The following RARG variants were observed in gnomAD, a reference collection of about 807,000 sequenced individuals.
RARG encodes the protein retinoic acid receptor gamma, also known as RAR-gamma.
In RARG, 17 loss-of-function variants were observed where a neutral mutation model predicts 43.7. That is an observed-to-expected ratio of 0.39 (90% CI 0.27 to 0.58). RARG has a LOEUF of 0.58. Among genes scored for constraint, RARG ranks in the 20% least tolerant of loss-of-function variants. The pLI is 0.57. For missense variants in RARG, 346 were observed against 598.7 expected (o/e 0.58, Z 4.40); for synonymous variants, 238 against 236.4 (o/e 1.01, Z -0.06).
Position 53,211,820 on chromosome 12 carries a change from C to G in RARG, c.1221G>C (p.Pro407=), listed in dbSNP as rs774041125. ...AITLKMEIPG[P]MPPLIREMLE... is the part of the protein sequence containing the mutation. ...GCATCTCTCGGATTAAGGGAGGCAT[C>G]GGGCCTGGAATCTCCATCTTCAGAG... The change falls in exon 10 of 10, where the codon CCG becomes CCC. Residue 407 remains proline, a synonymous_variant. Transcript: ENST00000425354. This position sits in a 1 kb window ranked among gnomAD's most constrained non-coding sequence, Gnocchi z 4.6. 1 of 1,535,264 alleles carries G rather than the reference C, an allele frequency of 6.5e-7. No homozygotes were observed. The highest frequency in any genetic ancestry group is 8.8e-7 in the Non-Finnish European group (1 of 1,139,364).
Position 53,213,355 on chromosome 12 carries a change from ACT to A in RARG, c.1019-114_1019-113del. The A allele has an allele frequency of 1.3e-6, 2 of 1,482,240 alleles. No individual in the cohort carries two copies. Among genetic ancestry groups the A allele is most frequent in the Non-Finnish European group, 9.3e-7 (1 of 1,075,530 alleles). The allele number at this position is 1,482,240 out of a possible 1,614,324, so 91.8% of individuals were successfully genotyped here. On this transcript the variant is annotated intron_variant, in intron 8 of 9. Coordinates refer to ENST00000425354, the MANE Select transcript of RARG (RefSeq NM_000966.6). The surrounding 1 kb of genome is among the most constrained non-coding windows in gnomAD (Gnocchi z 4.7). Reference sequence around the variant, plus strand: ...TGGGAAGCCTGTACAGGGTTTCAGAACTCTCTGGATGGGGCCAGGTGCAAGAA... The same window carrying A: ...TGGGAAGCCTGTACAGGGTTTCAGAACTCTGGATGGGGCCAGGTGCAAGAA...
rs1049076541 is a variant in RARG, at chr12:53,216,491, G to A, written c.185-697C>T. On this transcript the variant is annotated intron_variant, in intron 3 of 9. Transcript: ENST00000425354. ...AGGATGCACCACAGCCTTGGTTCAC[G>A]CCTGAAGAAACTGAGGCCACGAGAG... is the stretch of plus-strand genomic sequence containing the variant. Among the ~76,000 whole-genome samples, 46 of 152,262 alleles carry A rather than the reference G, an allele frequency of 3.0e-4. 2 individuals are homozygous for A. The highest frequency in any genetic ancestry group is 6.5e-5 in the Admixed American group (1 of 15,296).
intron 2 of RARG, chr12:53,229,825 C>T (rs1212974653): frequency 1.7e-6 from 1 of 576,850 alleles, no homozygotes; most frequent in African/African-American, 2.0e-5. Context: ...CCCTCCTTGT[C>T]TTTGCTTCTC....
At chr12:53,221,016 C>T (rs1430045490) in intron 3 of RARG, among the ~76,000 whole-genome samples, 1 of 151,982 alleles carries the variant, frequency 6.6e-6, no homozygotes, top group Non-Finnish European at 1.5e-5. Flanking sequence ...CCCGTCTCCC[C>T]ACCCGCGGTC....
intron 2 of RARG, among the ~76,000 whole-genome samples, chr12:53,228,209 TA>T (rs1943153810): frequency 6.6e-6 from 1 of 152,092 alleles, no homozygotes; most frequent in Non-Finnish European, 1.5e-5. Flanking sequence ...AGGCAAAGGT[TA>T]GGGGGACAGA....
intron 3 of RARG, among the ~76,000 whole-genome samples, chr12:53,216,155 G>A (rs1008461540): frequency 9.2e-5 from 14 of 152,198 alleles, no homozygotes; most frequent in African/African-American, 3.1e-4. Flanking sequence ...GGGTAGAAGA[G>A]TTAAAGCCCT....
Position 53,215,464 on chromosome 12 carries a change from TG to T in RARG, c.334-31del, listed in dbSNP as rs774868152. On this transcript the variant is annotated intron_variant, in intron 4 of 9. Coordinates refer to ENST00000425354, the MANE Select transcript of RARG (RefSeq NM_000966.6). The surrounding 1 kb of genome is among the most constrained non-coding windows in gnomAD (Gnocchi z 6.4). ...AGTTGAGGGAAAGAGAGAGGGCCTC[TG>T]AAGCACAATGCTGGGAGTACCAGCC... 16 of 1,613,260 alleles carry T rather than the reference TG, an allele frequency of 9.9e-6. No individual in the cohort carries two copies. In the East Asian group the frequency reaches 3.3e-4, roughly 34 times the overall value.
intron 3 of RARG, among the ~76,000 whole-genome samples, chr12:53,217,616 G>A (rs556356661): frequency 3.1e-4 from 47 of 152,294 alleles, no homozygotes; most frequent in African/African-American, 1.0e-3. Context: ...TAGTGGCTCC[G>A]AGGTCAATCT....
intron 3 of RARG, chr12:53,219,990 T>TC (rs1178486053): frequency 1.3e-6 from 2 of 1,521,636 alleles, no homozygotes; most frequent in African/African-American, 2.8e-5. Context: ...AAGATTCAAG[T>TC]CCGGCGAAAC....
At chr12:53,228,555 A>G (rs1026121280) in intron 2 of RARG, among the ~76,000 whole-genome samples, 1 of 151,514 alleles carries the variant, frequency 6.6e-6, no homozygotes, top group Non-Finnish European at 1.5e-5. Flanking sequence ...CCTGTCTCCA[A>G]TTTTTCCTCA....
intron 3 of RARG, among the ~76,000 whole-genome samples, chr12:53,226,391 G>A (rs922563442): frequency 3.3e-5 from 5 of 152,056 alleles, no homozygotes; most frequent in African/African-American, 7.2e-5. Context: ...GCAGTGGCAC[G>A]ATCTCAGCTC....
intron 9 of RARG, among the ~76,000 whole-genome samples, chr12:53,212,775 CACACAT>C (rs1325518832): frequency 8.1e-4 from 121 of 150,096 alleles, no homozygotes; most frequent in African/African-American, 2.3e-3. Flanking sequence ...CACACACACA[CACACAT>C]ACTTGGAATT....
chr12:53,226,602 G>A (rs913177134), intron 3 of RARG, among the ~76,000 whole-genome samples: 2 of 151,596 alleles, frequency 1.3e-5, no homozygotes, highest in Non-Finnish European at 2.9e-5. Context: ...TGGGATTACA[G>A]GCGTGAGCCT....
chr12:53,226,010 C>T (rs996280469), intron 3 of RARG, among the ~76,000 whole-genome samples: 7 of 152,256 alleles, frequency 4.6e-5, no homozygotes, highest in Non-Finnish European at 1.0e-4. Flanking sequence ...CCTTTGCAGT[C>T]ATTTCCATCC....
chr12:53,221,537 G>T (rs1942963299), intron 3 of RARG, among the ~76,000 whole-genome samples: 1 of 152,288 alleles, frequency 6.6e-6, no homozygotes, highest in East Asian at 1.9e-4. Flanking sequence ...TTCGGTTAGT[G>T]CCCCTCAGCT....
intron 3 of RARG, among the ~76,000 whole-genome samples, chr12:53,221,737 C>T (rs1020064096): frequency 6.6e-6 from 1 of 151,602 alleles, no homozygotes; most frequent in South Asian, 2.1e-4. Flanking sequence ...TCCCCCCCTC[C>T]CCCGCGCCCC....
chr12:53,213,892 G>A lies in RARG; in HGVS notation c.813+167C>T. 9.2e-7 allele frequency: 1 copy of A among 1,084,924 alleles called. No individual in the cohort carries two copies. Among genetic ancestry groups the A allele is most frequent in the Non-Finnish European group, 1.3e-6 (1 of 746,842 alleles). The allele number at this position is 1,084,924 out of a possible 1,614,324, so 67.2% of individuals were successfully genotyped here. ...TCAGGAGGAGACAGGGCATCCAAAA[G>A]TCTAGGATCAGGTCATAGGGGCAGA... On this transcript the variant is annotated intron_variant, in intron 7 of 9. Transcript: ENST00000425354. This position sits in a 1 kb window ranked among gnomAD's most constrained non-coding sequence, Gnocchi z 4.7.
chr12:53,226,207 C>A (rs1183740106), intron 3 of RARG, among the ~76,000 whole-genome samples: 1 of 152,242 alleles, frequency 6.6e-6, no homozygotes, highest in Non-Finnish European at 1.5e-5. Flanking sequence ...TGGCTCACTG[C>A]AACCTTCGCT....
Position 53,227,805 on chromosome 12 carries a change from C to T in RARG, c.-142-118G>A. 1 of 768,646 alleles carries T rather than the reference C, an allele frequency of 1.3e-6. No homozygotes were observed. The highest frequency in any genetic ancestry group is 3.9e-5 in the East Asian group (1 of 25,898). 47.6% of individuals were successfully genotyped at this position (768,646 alleles called of 1,614,324 possible). On this transcript the variant is annotated intron_variant, in intron 2 of 9. Transcript: ENST00000425354. The surrounding 1 kb of genome is among the most constrained non-coding windows in gnomAD (Gnocchi z 4.3). Reference sequence around the variant, plus strand: ...CTGTGCTGCTACAGTTTATCCTGCCCTGGCTCAGGGCCCTTGCAGTGTGGT... The same window carrying T: ...CTGTGCTGCTACAGTTTATCCTGCCTTGGCTCAGGGCCCTTGCAGTGTGGT...
Sources: allele counts gnomAD v4.1 joint callset (sites outside exome capture counted in the v4.1 genomes callset), GRCh38; gene constraint gnomAD v4.1.1; non-coding constraint Gnocchi (gnomAD v3.1); transcripts MANE v1.5; gene names NCBI Gene and HGNC (gene_info 2026-07-23, HGNC 2026-07-21).